The following MAML2 variants were observed in gnomAD, a reference collection of about 807,000 sequenced individuals.
MAML2 encodes mastermind like transcriptional coactivator 2, also known as mastermind-like protein 2.
A neutral mutation model predicts 96.1 loss-of-function variants in MAML2; 22 were observed. That is an observed-to-expected ratio of 0.23 (90% CI 0.16 to 0.33). The LOEUF is 0.33. Ranked by LOEUF, MAML2 falls within the 10% of genes least tolerant of loss-of-function variation. MAML2 has a pLI of 1.00. For synonymous variants in MAML2, 561 were observed against 521.3 expected (o/e 1.08, Z -1.04); for missense variants, 1,367 against 1,392.4 (o/e 0.98, Z 0.29).
Position 95,979,278 on chromosome 11 carries a change from C to T in MAML2, c.3141G>A (p.Leu1047=). The change falls in exon 5 of 5, where the codon CTG becomes CTA. Residue 1047 remains leucine, a synonymous_variant. Coordinates refer to ENST00000524717, the MANE Select transcript of MAML2 (RefSeq NM_032427.4). The part of the protein sequence containing the change: ...NGQTMGPLRG[L]NLRPNQLSTQ... The stretch of plus-strand genomic sequence containing the variant: ...TGCTTAGCTGATTGGGTCTGAGATT[C>T]AGACCCCTGAGGGGACCCATGGTTT... 1 of 1,613,952 alleles carries T rather than the reference C, an allele frequency of 6.2e-7. No individual in the cohort carries two copies. Among genetic ancestry groups the T allele is most frequent in the Non-Finnish European group, 8.5e-7 (1 of 1,179,882 alleles).
intron 1 of MAML2, among the ~76,000 whole-genome samples, chr11:96,238,842 A>G (rs1404942291): frequency 6.6e-6 from 1 of 152,250 alleles, no homozygotes; most frequent in Non-Finnish European, 1.5e-5. Context: ...AAACAGAACT[A>G]AGCAAGAGAG....
Position 95,979,580 on chromosome 11 carries a change from T to G in MAML2, c.2839A>C (p.Met947Leu). 6.2e-7 allele frequency: 1 copy of G among 1,614,010 alleles called. No individual in the cohort carries two copies. The highest frequency in any genetic ancestry group is 8.5e-7 in the Non-Finnish European group (1 of 1,179,898). Residue 947 changes from methionine (M) to leucine (L), a missense_variant, in exon 5 of 5, where the codon ATG (methionine) becomes CTG (leucine). Transcript: ENST00000524717. ...ACGTTTGATGTTCTCTGTGGTGGCA[T>G]GCTTGCCATACTATGGGTTAAATTT... is the stretch of plus-strand genomic sequence containing the variant. ...RPNLTHSMAS[M>L]PPQRTSNVMI...
intron 1 of MAML2, among the ~76,000 whole-genome samples, chr11:96,262,565 T>G (rs183838000): frequency 5.3e-5 from 8 of 152,198 alleles, no homozygotes; most frequent in African/African-American, 1.9e-4. Context: ...CCTCCCAGGT[T>G]GATGCCATTC....
At chr11:96,290,604 T>C (rs1863195409) in intron 1 of MAML2, among the ~76,000 whole-genome samples, 1 of 152,214 alleles carries the variant, frequency 6.6e-6, no homozygotes, top group South Asian at 2.1e-4. Flanking sequence ...TATAAATCCT[T>C]ACAAATCCTA....
intron 2 of MAML2, among the ~76,000 whole-genome samples, chr11:96,034,828 G>T (rs1349599709): frequency 1.3e-5 from 2 of 152,098 alleles, no homozygotes; most frequent in Non-Finnish European, 2.9e-5. Flanking sequence ...ATTTTTGGGG[G>T]TCAGAGTTAT....
At chr11:96,056,354 G>A (rs1859069139) in intron 2 of MAML2, among the ~76,000 whole-genome samples, 1 of 124,746 alleles carries the variant, frequency 8.0e-6, no homozygotes. Flanking sequence ...TGGGTCACAT[G>A]TTCTCTCTTT....
intron 2 of MAML2, among the ~76,000 whole-genome samples, chr11:96,028,308 T>G (rs1858556905): frequency 6.6e-6 from 1 of 152,218 alleles, no homozygotes; most frequent in Non-Finnish European, 1.5e-5. Flanking sequence ...CTTCTTTCTC[T>G]CTTATAAGCA....
intron 1 of MAML2, among the ~76,000 whole-genome samples, chr11:96,149,606 C>T (rs937198710): frequency 4.6e-5 from 7 of 151,926 alleles, no homozygotes; most frequent in African/African-American, 1.7e-4. Flanking sequence ...GTGGCATGTG[C>T]CTGTAGTCCC....
chr11:96,156,116 G>A (rs1265034684), intron 1 of MAML2, among the ~76,000 whole-genome samples: 1 of 152,046 alleles, frequency 6.6e-6, no homozygotes, highest in Non-Finnish European at 1.5e-5. Flanking sequence ...AACATGCTTC[G>A]CCTCCGTAAC....
intron 3 of MAML2, among the ~76,000 whole-genome samples, chr11:95,989,906 AT>A (rs1249946978): frequency 1.3e-5 from 2 of 152,184 alleles, no homozygotes; most frequent in Non-Finnish European, 2.9e-5. Flanking sequence ...TTGTTATACT[AT>A]GTTTACTTTT....
chr11:96,268,212 T>C (rs900249197), intron 1 of MAML2, among the ~76,000 whole-genome samples: 68 of 152,162 alleles, frequency 4.5e-4, no homozygotes, highest in African/African-American at 1.6e-3. Context: ...CACTGACTCA[T>C]ACCTGTAATC....
chr11:96,177,266 T>C (rs989846841), intron 1 of MAML2, among the ~76,000 whole-genome samples: 4 of 152,232 alleles, frequency 2.6e-5, no homozygotes, highest in Admixed American at 6.5e-5. Context: ...ACCTGTATCA[T>C]GTTATTAAAT....
chr11:96,135,972 T>A (rs899175110), intron 1 of MAML2, among the ~76,000 whole-genome samples: 14 of 152,188 alleles, frequency 9.2e-5, no homozygotes, highest in African/African-American at 3.4e-4. Flanking sequence ...TGAATTAATT[T>A]TGAACTAAAC....
chr11:96,170,268 T>C (rs1861266167), intron 1 of MAML2, among the ~76,000 whole-genome samples: 1 of 152,196 alleles, frequency 6.6e-6, no homozygotes, highest in South Asian at 2.1e-4. Flanking sequence ...CCTCTGCCCA[T>C]ATCATGGGAT....
intron 2 of MAML2, among the ~76,000 whole-genome samples, chr11:96,028,030 C>T (rs990722267): frequency 2.0e-5 from 3 of 152,230 alleles, no homozygotes; most frequent in East Asian, 1.9e-4. Context: ...CAGCACCTGG[C>T]CCATTTTTCT....
rs145837612 is a variant in MAML2 at position 96,075,863 on chromosome 11, G to A, written c.2139+16029C>T. Among the ~76,000 whole-genome samples the A allele has an allele frequency of 2.0e-4, 31 of 152,160 alleles. 1 individual carries two copies. The East Asian group carries it at 6.0e-3, about 29-fold the overall frequency. On this transcript the variant is annotated intron_variant, in intron 2 of 4. Transcript: ENST00000524717. ...ATGGTCAATGTGACTCTTACTAATC[G>A]GCATTCAGATAGCGCCTTGCATATT...
Position 96,194,787 on chromosome 11 carries a change from G to A in MAML2, c.514-101270C>T, listed in dbSNP as rs932643176. Among the ~76,000 whole-genome samples the A allele has an allele frequency of 1.3e-4, 20 of 148,306 alleles. 1 individual carries two copies. Among genetic ancestry groups the A allele is most frequent in the Admixed American group, 9.2e-4 (14 of 15,156 alleles). ...ATTCTCAGGAAGAAAAGGCACCACCGAAGGGAAAGCATTAAAATCCTTCTG... is the reference window on the plus strand; with the variant it reads ...ATTCTCAGGAAGAAAAGGCACCACCAAAGGGAAAGCATTAAAATCCTTCTG... On this transcript the variant is annotated intron_variant, in intron 1 of 4. Coordinates refer to ENST00000524717, the MANE Select transcript of MAML2 (RefSeq NM_032427.4).
chr11:96,115,002 C>T (rs1013732383), intron 1 of MAML2, among the ~76,000 whole-genome samples: 3 of 152,222 alleles, frequency 2.0e-5, no homozygotes, highest in East Asian at 1.9e-4. Context: ...GTCAGAAGTA[C>T]GTTTCTGCTG....
intron 1 of MAML2, among the ~76,000 whole-genome samples, chr11:96,251,329 G>A (rs1862578750): frequency 6.6e-6 from 1 of 152,226 alleles, no homozygotes; most frequent in Non-Finnish European, 1.5e-5. Flanking sequence ...AATCACACAT[G>A]ATTGGTGATC....
Sources: allele counts gnomAD v4.1 joint callset (sites outside exome capture counted in the v4.1 genomes callset), GRCh38; gene constraint gnomAD v4.1.1; transcripts MANE v1.5; gene names NCBI Gene and HGNC (gene_info 2026-07-23, HGNC 2026-07-21).